DNAJC21: variants seen among roughly 807,000 people sequenced by gnomAD.
DNAJC21 encodes dnaJ homolog subfamily C member 21.
In DNAJC21, 63 loss-of-function variants were observed where a neutral mutation model predicts 72.4. That is an observed-to-expected ratio of 0.87 (90% CI 0.71 to 1.07). The LOEUF is 1.07. DNAJC21 is among the 50% of genes least tolerant of loss of function. DNAJC21 has a pLI of 0.00. For missense variants in DNAJC21, 634 were observed against 644.8 expected, an observed-to-expected ratio of 0.98 and a Z score of 0.18; for synonymous variants, 203 against 216.7, an observed-to-expected ratio of 0.94 and a Z score of 0.56.
At chr5:34,933,656 C>G (rs1764673330) in intron 1 of DNAJC21, among the ~76,000 whole-genome samples, 159 bp from the exon 2 acceptor site, 1 of 152,008 alleles carries the variant, frequency 6.6e-6, no homozygotes, top group Admixed American at 6.6e-5. Context: ...TTTAACAAAT[C>G]CTGATTATTG....
rs1028996577 is a variant in DNAJC21, at chr5:34,955,125, C to A, written c.*411C>A. Reference sequence around the variant, plus strand: ...AATACTTCATAATATGTGAAAAACTCGGATCTTTTAAAAAGCATCATAGAT... The same window carrying A: ...AATACTTCATAATATGTGAAAAACTAGGATCTTTTAAAAAGCATCATAGAT... On this transcript the variant is annotated 3_prime_UTR_variant, in exon 12 of 12. Transcript: ENST00000648817. The A allele has an allele frequency of 1.3e-5, 2 of 152,992 alleles. No homozygotes were observed. Among genetic ancestry groups the A allele is most frequent in the South Asian group, 4.1e-4 (2 of 4,844 alleles). 9.5% of individuals were successfully genotyped at this position (152,992 alleles called of 1,614,324 possible). A position where few individuals can be genotyped will look rare whatever the true frequency, so the allele number is the denominator to read the frequency against.
chr5:34,947,771 C>T (rs962360912), intron 9 of DNAJC21, among the ~76,000 whole-genome samples: 2 of 148,036 alleles, frequency 1.4e-5, no homozygotes, highest in Non-Finnish European at 3.0e-5. Context: ...GTATTCTGTT[C>T]TGTTATCTGT....
At chr5:34,951,088 T>C (rs755593340) in intron 10 of DNAJC21, 2 of 984,764 alleles carry the variant, frequency 2.0e-6, no homozygotes, top group Non-Finnish European at 2.4e-6. Context: ...GGGTGGGGAG[T>C]GTGTGTACTT....
rs1561197068 is a variant in DNAJC21, at chr5:34,958,224, C to T, written c.*3510C>T. 6.6e-6 allele frequency: 1 copy of T among 152,158 alleles called. No homozygotes were observed. Among genetic ancestry groups the T allele is most frequent in the Non-Finnish European group, 1.5e-5 (1 of 68,024 alleles). 9.4% of individuals were successfully genotyped at this position (152,158 alleles called of 1,614,324 possible). On this transcript the variant is annotated 3_prime_UTR_variant, in exon 12 of 12. Transcript: ENST00000648817. ...AGGAAGAGGCATGAACTTGTCCTAA[C>T]AATGTCAAAGAATATTTTAAAGGTA... is the stretch of plus-strand genomic sequence containing the variant.
At position 34,941,119 on chromosome 5, in the gene DNAJC21, G is replaced by A; in HGVS notation, c.919G>A (p.Asp307Asn). ...EDGKDSDEAE[D>N]AELYDDLYCP... ...AGGTAAAGACAGTGATGAGGCCGAG[G>A]ACGCTGAGCTCTATGATGACCTTTA... Residue 307 changes from aspartate to asparagine, a missense_variant, in exon 7 of 12, where the codon GAC (aspartate) becomes AAC (asparagine). Physicochemically the swap from Asp to Asn is conservative, Grantham distance 23 (BLOSUM62 1). Transcript: ENST00000648817. The A allele has an allele frequency of 6.2e-7, 1 of 1,614,148 alleles. No homozygotes were observed. The highest frequency in any genetic ancestry group is 8.5e-7 in the Non-Finnish European group (1 of 1,180,000).
intron 1 of DNAJC21, among the ~76,000 whole-genome samples, chr5:34,930,764 AC>A (rs2112010895): frequency 6.6e-6 from 1 of 152,340 alleles, no homozygotes; most frequent in South Asian, 2.1e-4. Flanking sequence ...AAGTCACTGC[AC>A]TCTACTAAGT....
chr5:34,949,560 T>C (rs571229143), intron 9 of DNAJC21: 1 of 1,559,032 alleles, frequency 6.4e-7, no homozygotes, highest in African/African-American at 1.4e-5. Context: ...CTGGCAAAGA[T>C]TCATATCTGC....
intron 1 of DNAJC21, 58 bp downstream of exon 1, chr5:34,929,974 CT>C: frequency 5.8e-6 from 8 of 1,374,762 alleles, no homozygotes; most frequent in Middle Eastern, 2.0e-4. Context: ...CCTCCCCGAC[CT>C]TCCCTTCCCC....
intron 9 of DNAJC21, among the ~76,000 whole-genome samples, 173 bp downstream of exon 9, chr5:34,945,976 C>G (rs1043202257): frequency 6.6e-6 from 1 of 152,096 alleles, no homozygotes; most frequent in African/African-American, 2.4e-5. Context: ...TGCTTCCCCC[C>G]CCTTGTATGT....
chr5:34,945,659 TTC>T, intron 8 of DNAJC21, 100 bp from the exon 9 acceptor site: 1 of 960,044 alleles, frequency 1.0e-6, no homozygotes, highest in African/African-American at 1.7e-5. Context: ...AATCTTTTAC[TTC>T]TGTTTTACTA....
intron 10 of DNAJC21, chr5:34,950,829 T>G (rs1004724273): frequency 1.4e-4 from 138 of 985,730 alleles, no homozygotes; most frequent in Non-Finnish European, 1.6e-4. Context: ...GGCCATGGTG[T>G]GGACTAGGAG....
intron 7 of DNAJC21, among the ~76,000 whole-genome samples, chr5:34,942,787 C>G (rs1467423149): frequency 6.6e-6 from 1 of 152,034 alleles, no homozygotes; most frequent in African/African-American, 2.4e-5. Flanking sequence ...AGGTTATTCT[C>G]GCTGGGCGCA....
At chr5:34,954,277 T>C (rs1199132687) in intron 11 of DNAJC21, 1 of 470,870 alleles carries the variant, frequency 2.1e-6, no homozygotes, top group Non-Finnish European at 3.7e-6. Context: ...TGTGTCAAGT[T>C]CTGGAGATTA....
chr5:34,945,949 A>G lies in DNAJC21; in HGVS notation c.1185+146A>G, dbSNP rs375007491. On this transcript the variant is annotated intron_variant, in intron 9 of 11. Transcript: ENST00000648817. ...AAGATTGATTAAAAAGGAATTAGAA[A>G]TATTTTCCTTTTTTAGTGCTTCCCC... The G allele has an allele frequency of 4.5e-5, 28 of 616,400 alleles. No individual in the cohort carries two copies. In the East Asian group the frequency reaches 8.2e-4, roughly 18 times the overall value. 38.2% of individuals were successfully genotyped at this position (616,400 alleles called of 1,614,324 possible).
intron 2 of DNAJC21, 136 bp downstream of exon 2, chr5:34,934,044 A>G (rs1580523312): frequency 3.1e-6 from 2 of 644,134 alleles, no homozygotes; most frequent in South Asian, 4.5e-5. Flanking sequence ...TAGTCATCAC[A>G]TAAAATCTAA....
intron 1 of DNAJC21, chr5:34,930,343 C>T (rs1381814070): frequency 6.5e-6 from 1 of 154,142 alleles, no homozygotes; most frequent in Non-Finnish European, 1.4e-5. Context: ...TCCGGGAATC[C>T]CAGATACTTC....
chr5:34,958,335 A>C lies in DNAJC21; in HGVS notation c.*3621A>C, dbSNP rs1481668574. 1 of 152,204 alleles carries C rather than the reference A, an allele frequency of 6.6e-6. No individual in the cohort carries two copies. The highest frequency in any genetic ancestry group is 2.4e-5 in the African/African-American group (1 of 41,454). 9.4% of individuals were successfully genotyped at this position (152,204 alleles called of 1,614,324 possible). A position where few individuals can be genotyped will look rare whatever the true frequency, so the allele number is the denominator to read the frequency against. On this transcript the variant is annotated 3_prime_UTR_variant, in exon 12 of 12. Transcript: ENST00000648817. The stretch of plus-strand genomic sequence containing the variant: ...GAATAAAGAGCCCAGAAACAGGTCC[A>C]TGTTTATATGGGAACTTGATTTTTG...
rs12163995 is a variant in DNAJC21, at chr5:34,955,139, A to T, written c.*425A>T. On this transcript the variant is annotated 3_prime_UTR_variant, in exon 12 of 12. Coordinates refer to ENST00000648817, the MANE Select transcript of DNAJC21 (RefSeq NM_001012339.3). Reference sequence around the variant, plus strand: ...TGTGAAAAACTCGGATCTTTTAAAAAGCATCATAGATCATTTTTCCATATG... The same window carrying T: ...TGTGAAAAACTCGGATCTTTTAAAATGCATCATAGATCATTTTTCCATATG... The T allele has an allele frequency of 0.043, 6,649 of 152,878 alleles. 318 individuals are homozygous for T. The highest frequency in any genetic ancestry group is 0.12 in the African/African-American group (4,902 of 41,542). The allele number at this position is 152,878 out of a possible 1,614,324, so 9.5% of individuals were successfully genotyped here.
At chr5:34,929,964 C>A (rs1467514882) in intron 1 of DNAJC21, 48 bp downstream of exon 1, 3 of 1,444,658 alleles carry the variant, frequency 2.1e-6, no homozygotes, top group Non-Finnish European at 2.8e-6. Flanking sequence ...GAAGCCCGGC[C>A]CTCCCCGACC....
Sources: gnomAD v4.1 joint callset for allele counts (sites outside exome capture counted in the v4.1 genomes callset) on GRCh38, gnomAD v4.1.1 for gene constraint, MANE v1.5 for transcripts, NCBI Gene and HGNC (gene_info 2026-07-23, HGNC 2026-07-21) for gene names.